Variants in BCLAF3 observed in about 807,000 individuals in gnomAD.
BCLAF3 encodes the protein transient octamer binding factor 1.
BCLAF3 carries 24 observed loss-of-function variants against 51.2 expected under a neutral mutation model. That is an observed-to-expected ratio of 0.47 (90% CI 0.34 to 0.66). BCLAF3 has a LOEUF of 0.66. Among genes scored for constraint, BCLAF3 ranks in the 30% least tolerant of loss-of-function variants. The pLI is 0.01. For synonymous variants in BCLAF3, 152 were observed against 176.6 expected (o/e 0.86, Z 1.10); for missense variants, 465 against 525.1 (o/e 0.89, Z 1.12).
intron 4 of BCLAF3, among the ~76,000 whole-genome samples, 191 bp downstream of exon 4, chrX:19,964,853 A>G (rs2071990619): frequency 9.0e-6 from 1 of 111,369 alleles, no homozygotes; most frequent in Non-Finnish European, 1.9e-5. Flanking sequence ...ACAAGGAGAC[A>G]TGAAATTGCT....
At chrX:19,923,841 ATTTAT>A (rs1488853818) in intron 11 of BCLAF3, among the ~76,000 whole-genome samples, 2 of 85,852 alleles carry the variant, frequency 2.3e-5, no homozygotes, top group African/African-American at 1.6e-4. Context: ...TTATTTATTT[ATTTAT>A]TTTTTTTTTT....
At chrX:19,938,867 C>A (rs990369696) in intron 8 of BCLAF3, among the ~76,000 whole-genome samples, 4 of 112,626 alleles carry the variant, frequency 3.6e-5, no homozygotes, top group African/African-American at 9.7e-5. Context: ...CTGAGGTGAA[C>A]TAGGTACTCC....
chrX:19,967,878 T>C (rs2072113736), intron 2 of BCLAF3, among the ~76,000 whole-genome samples: 2 of 112,244 alleles, frequency 1.8e-5, no homozygotes, highest in South Asian at 7.4e-4. Context: ...CTTGGCAATA[T>C]TGCCCTCTGG....
chrX:19,937,242 A>G (rs2070800160), intron 9 of BCLAF3, 176 bp downstream of exon 9: 2 of 435,547 alleles, frequency 4.6e-6, no homozygotes, highest in Admixed American at 4.2e-5. Flanking sequence ...ATCCTACTAA[A>G]TCAAGTAAGA....
At chrX:19,924,196 T>C (rs774308889) in intron 11 of BCLAF3, among the ~76,000 whole-genome samples, 1 of 110,793 alleles carries the variant, frequency 9.0e-6, no homozygotes, top group Admixed American at 9.7e-5. Flanking sequence ...GTCTGGAGAG[T>C]AGTCAGGGTT....
At chrX:19,960,981 C>A (rs1400283303) in intron 4 of BCLAF3, among the ~76,000 whole-genome samples, 1 of 111,916 alleles carries the variant, frequency 8.9e-6, no homozygotes, top group African/African-American at 3.3e-5. Flanking sequence ...ATCAGCTTCC[C>A]AGGAGATCAA....
chrX:19,953,772 C>T lies in BCLAF3; in HGVS notation c.1565+6G>A. 5 of 1,150,461 alleles carry T rather than the reference C, an allele frequency of 4.3e-6. No homozygotes were observed. Among genetic ancestry groups the T allele is most frequent in the Non-Finnish European group, 5.9e-6 (5 of 841,894 alleles). The allele number at this position is 1,150,461 out of a possible 1,213,427, so 94.8% of individuals were successfully genotyped here. ...AAATGGGTATAATATGGTAATCAATCATTACCTGTGTATTTCTGGATCTGA... is the reference window on the plus strand; with the variant it reads ...AAATGGGTATAATATGGTAATCAATTATTACCTGTGTATTTCTGGATCTGA... On this transcript the variant is annotated splice_donor_region_variant and intron_variant, in intron 6 of 11. Coordinates refer to ENST00000379682, the MANE Select transcript of BCLAF3 (RefSeq NM_001367774.2).
chrX:19,985,944 T>A (rs1022987030), intron 1 of BCLAF3, among the ~76,000 whole-genome samples: 2 of 109,721 alleles, frequency 1.8e-5, no homozygotes, highest in Admixed American at 2.0e-4. Context: ...GAGAGAGACC[T>A]TGTCTCAGGA....
intron 8 of BCLAF3, among the ~76,000 whole-genome samples, chrX:19,940,326 T>C (rs965487373): frequency 4.6e-5 from 5 of 109,167 alleles, no homozygotes; most frequent in Non-Finnish European, 9.6e-5. Context: ...GTGCACATTG[T>C]GCAGGTTAGT....
intron 11 of BCLAF3, 97 bp downstream of exon 11, chrX:19,929,688 T>C: frequency 1.1e-6 from 1 of 905,762 alleles, no homozygotes; most frequent in East Asian, 3.3e-5. Flanking sequence ...AGGTTGTTTC[T>C]TAAAATTAAA....
At chrX:19,976,744 A>T (rs2072437849) in intron 1 of BCLAF3, among the ~76,000 whole-genome samples, 1 of 112,037 alleles carries the variant, frequency 8.9e-6, no homozygotes, top group Admixed American at 9.5e-5. Context: ...ACCATGAAGC[A>T]AAAGGAAACA....
intron 2 of BCLAF3, among the ~76,000 whole-genome samples, chrX:19,968,650 C>A (rs2072143500): frequency 8.9e-6 from 1 of 112,951 alleles, no homozygotes; most frequent in South Asian, 3.6e-4. Flanking sequence ...TTGTCTCTGA[C>A]CCAAGAGTGC....
Position 19,914,957 on chromosome X carries a change from G to C in BCLAF3, c.*2348C>G, listed in dbSNP as rs2069898816. 1 of 111,451 alleles carries C rather than the reference G, an allele frequency of 9.0e-6. No individual in the cohort carries two copies. The highest frequency in any genetic ancestry group is 1.9e-5 in the Non-Finnish European group (1 of 53,153). 9.2% of individuals were successfully genotyped at this position (111,451 alleles called of 1,213,427 possible). On this transcript the variant is annotated 3_prime_UTR_variant, in exon 12 of 12. Coordinates refer to ENST00000379682, the MANE Select transcript of BCLAF3 (RefSeq NM_001367774.2). ...TACTTACTCTACATTGTGATTCTTT[G>C]TTTTTGTGAATCTCTTCTTCAGCAG...
In BCLAF3 at chrX:19,917,168, C is replaced by A; in HGVS notation, c.*137G>T. 1.8e-6 allele frequency: 1 copy of A among 557,648 alleles called. No individual in the cohort carries two copies. The highest frequency in any genetic ancestry group is 2.4e-5 in the African/African-American group (1 of 42,244). The allele number at this position is 557,648 out of a possible 1,213,427, so 46.0% of individuals were successfully genotyped here. A position where few individuals can be genotyped will look rare whatever the true frequency, so the allele number is the denominator to read the frequency against. ...TAGGTGTAAAAAAGTTGCAGCATTC[C>A]ACTACTAAAAAATAAAGTTATTTTA... On this transcript the variant is annotated 3_prime_UTR_variant, in exon 12 of 12. Transcript: ENST00000379682.
Position 19,981,701 on chromosome X carries a change from G to A in BCLAF3, c.-35+9207C>T, listed in dbSNP as rs1231889066. On this transcript the variant is annotated intron_variant, in intron 1 of 11. Transcript: ENST00000379682. ...GTATCATTTGACCATAAAAGGGAAT[G>A]AAGTACCAATACATGCTACAACACA... Among the ~76,000 whole-genome samples the A allele has an allele frequency of 8.9e-5, 10 of 112,424 alleles. No homozygotes were observed. In the East Asian group the frequency reaches 2.8e-3, roughly 31 times the overall value.
At chrX:19,975,905 C>T (rs2072412091) in intron 1 of BCLAF3, among the ~76,000 whole-genome samples, 1 of 111,867 alleles carries the variant, frequency 8.9e-6, no homozygotes, top group African/African-American at 3.2e-5. Flanking sequence ...GTCTCTTTTG[C>T]CATTTCTCCT....
intron 4 of BCLAF3, among the ~76,000 whole-genome samples, chrX:19,964,278 C>T (rs1422063074): frequency 1.8e-5 from 2 of 111,680 alleles, no homozygotes; most frequent in Non-Finnish European, 3.8e-5. Flanking sequence ...TTATTATTCT[C>T]AGAATCCATA....
chrX:19,974,583 T>G (rs2072359833), intron 1 of BCLAF3, among the ~76,000 whole-genome samples: 1 of 111,934 alleles, frequency 8.9e-6, no homozygotes. Flanking sequence ...TTAGTTTTAT[T>G]AAAATTCAAA....
At chrX:19,981,981 T>TA (rs1416928513) in intron 1 of BCLAF3, among the ~76,000 whole-genome samples, 1 of 111,684 alleles carries the variant, frequency 9.0e-6, no homozygotes, top group East Asian at 2.8e-4. Flanking sequence ...ATGAATATAC[T>TA]AAAAAACACT....
Sources: allele counts gnomAD v4.1 joint callset (sites outside exome capture counted in the v4.1 genomes callset), GRCh38; gene constraint gnomAD v4.1.1; transcripts MANE v1.5; gene names NCBI Gene and HGNC (gene_info 2026-07-23, HGNC 2026-07-21).